The following DEPDC4 variants were observed in gnomAD, a reference collection of about 807,000 sequenced individuals.
DEPDC4 encodes DEP domain-containing protein 4.
A neutral mutation model predicts 52.0 loss-of-function variants in DEPDC4; 52 were observed. The observed-to-expected ratio is 1.00, with a 90% CI of 0.80 to 1.26. DEPDC4 has a LOEUF of 1.26. Ranked by LOEUF, DEPDC4 falls within the 50% of genes most tolerant of loss-of-function variation. DEPDC4 has a pLI of 0.00. For missense variants in DEPDC4, 530 were observed against 546.9 expected, an observed-to-expected ratio of 0.97 and a Z score of 0.31; for synonymous variants, 201 against 196.8, an observed-to-expected ratio of 1.02 and a Z score of -0.18.
At chr12:100,237,715 A>C (rs533248863), downstream of DEPDC4, 1 of 152,060 alleles carries the variant, frequency 6.6e-6, no homozygotes, top group Admixed American at 6.6e-5. Context: ...ATCTTAAAAA[A>C]TTTTTTTTAA....
At chr12:100,280,929 CTA>C in the DEPDC4 span, among the ~76,000 whole-genome samples, 8 of 150,990 alleles carry the variant, frequency 5.3e-5, no homozygotes, top group Middle Eastern at 3.4e-3. Context: ...ATTAATGACA[CTA>C]GTCATTAATA....
chr12:100,273,130 C>A, the DEPDC4 span, among the ~76,000 whole-genome samples: 1 of 152,164 alleles, frequency 6.6e-6, no homozygotes, highest in African/African-American at 2.4e-5. Context: ...TGCCTGAAAC[C>A]CTTCTGTGGC....
chr12:100,247,407 C>T (rs2096190597), intron 8 of DEPDC4, among the ~76,000 whole-genome samples: 1 of 151,874 alleles, frequency 6.6e-6, no homozygotes, highest in Non-Finnish European at 1.5e-5. Context: ...AGTTTTACCA[C>T]ATTGGCCAGG....
At chr12:100,263,328 C>G (rs1375015870) in intron 2 of DEPDC4, among the ~76,000 whole-genome samples, 169 bp downstream of exon 2, 1 of 151,970 alleles carries the variant, frequency 6.6e-6, no homozygotes. Flanking sequence ...TAATTCTAGT[C>G]TATTGCATCA....
chr12:100,252,035 G>A, intron 7 of DEPDC4, 141 bp downstream of exon 7: 2 of 724,718 alleles, frequency 2.8e-6, no homozygotes, highest in Non-Finnish European at 3.5e-6. Context: ...CTTCTCTTTT[G>A]TGGGTGTGGG....
intron 4 of DEPDC4, among the ~76,000 whole-genome samples, chr12:100,254,237 C>T (rs1263634331): frequency 6.6e-6 from 1 of 151,690 alleles, no homozygotes; most frequent in Non-Finnish European, 1.5e-5. Context: ...TCCATATCTG[C>T]TGCCCTCCCA....
In DEPDC4 at chr12:100,241,720, T is replaced by C; in HGVS notation, c.*172A>G. ...TTTTGAAATTCCTTAATTAATTTCT[T>C]TTTTCGTTTCAGAGAGATGCTGGGG... is the stretch of plus-strand genomic sequence containing the variant. On this transcript the variant is annotated 3_prime_UTR_variant, in exon 10 of 10. Transcript: ENST00000550587. The C allele has an allele frequency of 7.9e-7, 1 of 1,262,824 alleles. No homozygotes were observed. The highest frequency in any genetic ancestry group is 2.2e-4 in the Middle Eastern group (1 of 4,584). The allele number at this position is 1,262,824 out of a possible 1,614,324, so 78.2% of individuals were successfully genotyped here.
chr12:100,244,953 C>G (rs2096178991), intron 8 of DEPDC4, among the ~76,000 whole-genome samples: 2 of 151,736 alleles, frequency 1.3e-5, no homozygotes, highest in Non-Finnish European at 2.9e-5. Flanking sequence ...CTCACCACAA[C>G]CTCTGCCTCC....
At chr12:100,235,070 T>TATATATATGTATATACACATACATATAC (rs2096139328), downstream of DEPDC4, among the ~76,000 whole-genome samples, 1 of 151,336 alleles carries the variant, frequency 6.6e-6, no homozygotes, top group Non-Finnish European at 1.5e-5. Context: ...TGTGTGTATA[T>TATATATATGTATATACACATACATATAC]ATATATATGT....
upstream of DEPDC4, among the ~76,000 whole-genome samples, chr12:100,271,870 C>G (rs183627699): frequency 6.6e-6 from 1 of 152,252 alleles, no homozygotes; most frequent in Non-Finnish European, 1.5e-5. Context: ...TTCAGGAAGT[C>G]TTTGTTAAGC....
chr12:100,244,063 G>A (rs1160496185), intron 8 of DEPDC4, among the ~76,000 whole-genome samples: 2 of 129,206 alleles, frequency 1.5e-5, no homozygotes, highest in African/African-American at 5.7e-5. Context: ...ACAGGCAGAG[G>A]TGTCTCCCTC....
chr12:100,259,694 T>C (rs147496660), intron 3 of DEPDC4, among the ~76,000 whole-genome samples: 144 of 152,244 alleles, frequency 9.5e-4, no homozygotes, highest in African/African-American at 3.2e-3. Flanking sequence ...CCATTTTCCC[T>C]TTTAGAAAAT....
At chr12:100,273,375 T>C in the DEPDC4 span, among the ~76,000 whole-genome samples, 1 of 152,198 alleles carries the variant, frequency 6.6e-6, no homozygotes, top group Non-Finnish European at 1.5e-5. Flanking sequence ...GTATATTCTG[T>C]AGCGTTTTAT....
At chr12:100,269,661 A>AGTTAGTTGGTGATGGCTC (rs769527059), upstream of DEPDC4, among the ~76,000 whole-genome samples, 1 of 152,144 alleles carries the variant, frequency 6.6e-6, no homozygotes, top group Non-Finnish European at 1.5e-5. Flanking sequence ...TAGGGTGGGT[A>AGTTAGTTGGTGATGGCTC]GTTAGTTGGT....
At chr12:100,259,628 G>C (rs2096246797) in intron 3 of DEPDC4, among the ~76,000 whole-genome samples, 1 of 152,236 alleles carries the variant, frequency 6.6e-6, no homozygotes, top group Non-Finnish European at 1.5e-5. Flanking sequence ...TTAAAAGATG[G>C]GGGCATAGGG....
Position 100,241,205 on chromosome 12 carries a change from TGAAAA to T in DEPDC4, c.*682_*686del, listed in dbSNP as rs1274136955. On this transcript the variant is annotated 3_prime_UTR_variant, in exon 10 of 10. Coordinates refer to ENST00000550587, the MANE Select transcript of DEPDC4 (RefSeq NM_001364818.2). ...ATGCTTTCTTCAGAGAGCTTGTGTA[TGAAAA>T]GCTCCTTTCCTGTGGAAAAAAAAGG... Among the ~76,000 whole-genome samples, 2 of 152,164 alleles carry T rather than the reference TGAAAA, an allele frequency of 1.3e-5. No homozygotes were observed. The highest frequency in any genetic ancestry group is 3.9e-4 in the East Asian group (2 of 5,194).
upstream of DEPDC4, among the ~76,000 whole-genome samples, chr12:100,269,545 G>A (rs183784934): frequency 3.3e-3 from 495 of 152,160 alleles, no homozygotes; most frequent in Non-Finnish European, 5.6e-3. Context: ...TACTGAATGG[G>A]CCAAGAATTG....
the DEPDC4 span, among the ~76,000 whole-genome samples, chr12:100,275,762 A>G: frequency 5.3e-5 from 8 of 152,332 alleles, no homozygotes; most frequent in South Asian, 2.1e-4. Flanking sequence ...TCTGAAACTT[A>G]GGGAGAAAAG....
At chr12:100,261,687 T>C (rs1438148211) in intron 3 of DEPDC4, 3 of 456,558 alleles carry the variant, frequency 6.6e-6, no homozygotes, top group African/African-American at 6.0e-5. Flanking sequence ...TCACAGTCAT[T>C]GTAAAAAATG....
Sources: gnomAD v4.1 joint callset for allele counts (sites outside exome capture counted in the v4.1 genomes callset) on GRCh38, gnomAD v4.1.1 for gene constraint, MANE v1.5 for transcripts, NCBI Gene and HGNC (gene_info 2026-07-23, HGNC 2026-07-21) for gene names.